Variants in MGAM2 observed in about 807,000 individuals in gnomAD.
MGAM2 encodes the protein probable maltase-glucoamylase 2.
MGAM2 carries 98 observed loss-of-function variants against 96.1 expected under a neutral mutation model. The ratio of observed to expected loss-of-function variants is 1.02; its 90% CI spans 0.87 to 1.21. The LOEUF (loss-of-function observed/expected upper bound fraction) is 1.21. MGAM2 is among the 50% of genes most tolerant of loss of function. MGAM2 has a pLI of 0.00. For missense variants in MGAM2, 2,055 were observed against 1,182.4 expected, an observed-to-expected ratio of 1.74 and a Z score of -10.82; for synonymous variants, 749 against 414.8, an observed-to-expected ratio of 1.81 and a Z score of -9.79.
In MGAM2 at chr7:142,183,345, C is replaced by G. The variant is rs1308388012; in HGVS notation, c.3896C>G (p.Pro1299Arg). ...GQENNVFIKW[P>R]DTNDIVWGKV... ...GAAAATAACGTGTTCATCAAATGGC[C>G]TGACACCAATGACATTGTCTGGGGA... The change falls in exon 33 of 48, where the codon CCT becomes CGT. Residue 1299 changes from proline (P) to arginine (R), a missense_variant. Transcript: ENST00000477922. The G allele has an allele frequency of 2.8e-6, 2 of 703,124 alleles. No homozygotes were observed. Among genetic ancestry groups the G allele is most frequent in the Admixed American group, 2.0e-5 (1 of 50,020 alleles). The allele number at this position is 703,124 out of a possible 1,614,324, so 43.6% of individuals were successfully genotyped here.
chr7:142,150,325 T>C (rs1488261996), intron 15 of MGAM2, among the ~76,000 whole-genome samples: 2 of 152,198 alleles, frequency 1.3e-5, no homozygotes, highest in African/African-American at 2.4e-5. Context: ...AAGCCATCTT[T>C]TATGCCTTTT....
At chr7:142,206,589 CT>C (rs1797408269) in intron 45 of MGAM2, among the ~76,000 whole-genome samples, 1 of 152,076 alleles carries the variant, frequency 6.6e-6, no homozygotes, top group Non-Finnish European at 1.5e-5. Context: ...AATCAACCCC[CT>C]ATGAGCAATA....
intron 32 of MGAM2, among the ~76,000 whole-genome samples, chr7:142,176,340 G>A (rs1468950306): frequency 1.3e-5 from 2 of 152,158 alleles, no homozygotes; most frequent in Admixed American, 1.3e-4. Context: ...GCAATTACCT[G>A]CAAATGATTC....
intron 20 of MGAM2, among the ~76,000 whole-genome samples, chr7:142,159,843 A>G (rs759703234): frequency 6.6e-6 from 1 of 152,186 alleles, no homozygotes; most frequent in East Asian, 1.9e-4. Context: ...CATTATATCA[A>G]CCTGGCTATT....
Position 142,196,254 on chromosome 7 carries a change from G to A in MGAM2, c.4447G>A (p.Ala1483Thr), listed in dbSNP as rs1191628953. 2 of 846,148 alleles carry A rather than the reference G, an allele frequency of 2.4e-6. No homozygotes were observed. The highest frequency in any genetic ancestry group is 4.0e-6 in the Non-Finnish European group (2 of 502,840). The allele number at this position is 846,148 out of a possible 1,614,324, so 52.4% of individuals were successfully genotyped here. A position where few individuals can be genotyped will look rare whatever the true frequency, so the allele number is the denominator to read the frequency against. The change falls in exon 38 of 48, where the codon GCT becomes ACT. Residue 1483 changes from alanine to threonine, a missense_variant. Ala to Thr is a moderately conservative substitution (Grantham distance 58). Coordinates refer to ENST00000477922, the MANE Select transcript of MGAM2 (RefSeq NM_001293626.2). ...WGGHRLGNNT[A>T]AWDQLGKSII... ...AGGACACCGGTTGGGAAACAACACA[G>A]CTGCATGGGACCAGCTGGGGAAATC...
At chr7:142,195,879 C>T (rs151287742) in intron 37 of MGAM2, among the ~76,000 whole-genome samples, 450 of 152,166 alleles carry the variant, frequency 3.0e-3, no homozygotes, top group Non-Finnish European at 3.6e-3. Flanking sequence ...AGCTATATTA[C>T]GCCTCACTCC....
chr7:142,208,326 A>G (rs934475086), intron 45 of MGAM2: 6 of 617,076 alleles, frequency 9.7e-6, no homozygotes, highest in Admixed American at 2.1e-5. Context: ...CCTTTGTTCA[A>G]CCCAGATTCT....
intron 6 of MGAM2, among the ~76,000 whole-genome samples, chr7:142,132,663 A>C (rs1300336917): frequency 7.9e-6 from 1 of 127,138 alleles, no homozygotes; most frequent in Admixed American, 8.3e-5. Context: ...ATTAAAATAT[A>C]ATAAATATAT....
At chr7:142,203,324 G>A (rs1335746439) in intron 45 of MGAM2, among the ~76,000 whole-genome samples, 2 of 151,922 alleles carry the variant, frequency 1.3e-5, no homozygotes, top group African/African-American at 2.4e-5. Context: ...AATTGCTTTT[G>A]GGGGCTTAGC....
intron 3 of MGAM2, among the ~76,000 whole-genome samples, chr7:142,121,073 G>A (rs1229959325): frequency 6.6e-6 from 1 of 152,054 alleles, no homozygotes; most frequent in East Asian, 1.9e-4. Flanking sequence ...TTGAATTTTA[G>A]GTTAAAGTTT....
chr7:142,178,473 T>A (rs1283813453), intron 32 of MGAM2, among the ~76,000 whole-genome samples: 1 of 152,160 alleles, frequency 6.6e-6, no homozygotes, highest in African/African-American at 2.4e-5. Context: ...CTTCTAGGAT[T>A]TTAATAATTT....
chr7:142,172,272 T>C (rs1796220125), intron 29 of MGAM2, 78 bp downstream of exon 29: 1 of 612,600 alleles, frequency 1.6e-6, no homozygotes, highest in African/African-American at 1.8e-5. Context: ...TCAATAGAAA[T>C]AGAGACATTC....
intron 3 of MGAM2, 50 bp downstream of exon 3, chr7:142,120,431 G>T (rs1358975868): frequency 8.7e-6 from 6 of 691,734 alleles, no homozygotes; most frequent in Non-Finnish European, 1.3e-5. Context: ...TTATTGAAAA[G>T]AAATGAATAT....
At chr7:142,182,800 A>T (rs998003032) in intron 32 of MGAM2, among the ~76,000 whole-genome samples, 1 of 152,164 alleles carries the variant, frequency 6.6e-6, no homozygotes, top group South Asian at 2.1e-4. Flanking sequence ...GCCTCTCTAT[A>T]GACTGGCAGT....
intron 31 of MGAM2, among the ~76,000 whole-genome samples, chr7:142,174,190 T>C (rs767963570): frequency 3.3e-5 from 5 of 152,208 alleles, no homozygotes; most frequent in Non-Finnish European, 5.9e-5. Context: ...ATATGAATTT[T>C]AAAATAGTTT....
At chr7:142,131,093 C>T (rs202239242) in intron 4 of MGAM2, 22 bp downstream of exon 4, 71 of 699,088 alleles carry the variant, frequency 1.0e-4, no homozygotes, top group East Asian at 8.9e-4. Flanking sequence ...CCTGATGTTG[C>T]GCCTGGGAAC....
Position 142,208,561 on chromosome 7 carries a change from C to T in MGAM2, c.5138-12C>T. The T allele has an allele frequency of 5.7e-6, 4 of 702,458 alleles. No homozygotes were observed. Among genetic ancestry groups the T allele is most frequent in the Non-Finnish European group, 1.0e-5 (4 of 384,794 alleles). 43.5% of individuals were successfully genotyped at this position (702,458 alleles called of 1,614,324 possible). A position where few individuals can be genotyped will look rare whatever the true frequency, so the allele number is the denominator to read the frequency against. On this transcript the variant is annotated splice_polypyrimidine_tract_variant and intron_variant, in intron 45 of 47. Coordinates refer to ENST00000477922, the MANE Select transcript of MGAM2 (RefSeq NM_001293626.2). ...TAGTAGTTGCTTATTCTTTTCTTTT[C>T]CTTGTTTGCAGATACCTATGAAAAT...
chr7:142,151,343 G>A (rs1483004982), intron 15 of MGAM2, among the ~76,000 whole-genome samples: 1 of 152,152 alleles, frequency 6.6e-6, no homozygotes, highest in Non-Finnish European at 1.5e-5. Context: ...ATCCAGATGA[G>A]AGTTCTTGTC....
Position 142,181,438 on chromosome 7 carries a change from C to T in MGAM2, c.3817-1828C>T, listed in dbSNP as rs1796539028. ...TTTAAGAGTAAGGGCCAGAAGATAG[C>T]CTCTTATTCAGCTGCAGGCCTCTTT... On this transcript the variant is annotated intron_variant, in intron 32 of 47. Coordinates refer to ENST00000477922, the MANE Select transcript of MGAM2 (RefSeq NM_001293626.2). 2.0e-5 allele frequency among the ~76,000 whole-genome samples: 3 copies of T among 152,236 alleles called. No homozygotes were observed. The Middle Eastern group carries it at 0.01, about 518-fold the overall frequency.
Sources: allele counts gnomAD v4.1 joint callset (sites outside exome capture counted in the v4.1 genomes callset), GRCh38; gene constraint gnomAD v4.1.1; transcripts MANE v1.5; gene names NCBI Gene and HGNC (gene_info 2026-07-23, HGNC 2026-07-21).